Variants in TRPM3 observed in about 807,000 individuals in gnomAD.
TRPM3 encodes long transient receptor potential channel 3.
In TRPM3, 77 loss-of-function variants were observed where a neutral mutation model predicts 181.2. The observed-to-expected ratio is 0.42, with a 90% confidence interval of 0.35 to 0.51. TRPM3 has a LOEUF of 0.51. TRPM3 is among the 20% of genes least tolerant of loss of function. The pLI is 0.01. For missense variants in TRPM3, 1,759 were observed against 2,196.7 expected (o/e 0.80, Z 3.98); for synonymous variants, 745 against 796.4 (o/e 0.94, Z 1.09).
chr9:70,804,709 C>T (rs563602863), intron 6 of TRPM3, among the ~76,000 whole-genome samples: 24 of 145,020 alleles, frequency 1.7e-4, no homozygotes, highest in Non-Finnish European at 3.1e-4. Context: ...CCTTCCCTTC[C>T]CTTCTCTTCT....
Position 71,189,670 on chromosome 9 carries a change from C to T in TRPM3, c.183+256983G>A, listed in dbSNP as rs559135560. 2.0e-4 allele frequency among the ~76,000 whole-genome samples: 31 copies of T among 151,866 alleles called. No homozygotes were observed. In the South Asian group the frequency reaches 6.4e-3, roughly 31 times the overall value. ...TGCATCCTCCCCACACAACCACTCA[C>T]TTATCAAATACCTTTTCATCCCTCA... On this transcript the variant is annotated intron_variant, in intron 1 of 24. Coordinates refer to the TRPM3 transcript ENST00000357533.
intron 19 of TRPM3, among the ~76,000 whole-genome samples, chr9:70,604,725 T>C (rs1373767542): frequency 2.7e-5 from 4 of 150,462 alleles, no homozygotes; most frequent in Non-Finnish European, 5.9e-5. Flanking sequence ...CGGCTCATTG[T>C]AGCATTGACT....
intron 1 of TRPM3, among the ~76,000 whole-genome samples, chr9:71,166,364 T>C (rs1271581022): frequency 2.0e-5 from 3 of 152,140 alleles, no homozygotes; most frequent in Non-Finnish European, 4.4e-5. Context: ...CAGGCTCTTC[T>C]TCCACGACTT....
rs144690710 is a variant in TRPM3, at chr9:70,679,965, T to C, written c.1345+1541A>G. 3.3e-4 allele frequency among the ~76,000 whole-genome samples: 51 copies of C among 152,308 alleles called. 1 individual carries two copies. The highest frequency in any genetic ancestry group is 1.1e-3 in the African/African-American group (46 of 41,566). On this transcript the variant is annotated intron_variant, in intron 9 of 25. Coordinates refer to ENST00000677713, the MANE Select transcript of TRPM3 (RefSeq NM_001366145.2). Reference sequence around the variant, plus strand: ...GTCCCGTGATTCTTCTGCAAAGCCTTTGTATTTCTTAGTTCATTGGGATAA... The same window carrying C: ...GTCCCGTGATTCTTCTGCAAAGCCTCTGTATTTCTTAGTTCATTGGGATAA...
chr9:71,045,034 GAA>G (rs2059275111), intron 1 of TRPM3, among the ~76,000 whole-genome samples: 1 of 151,888 alleles, frequency 6.6e-6, no homozygotes, highest in Non-Finnish European at 1.5e-5. Flanking sequence ...ACACTCCATC[GAA>G]GAGTCTCTAG....
intron 1 of TRPM3, among the ~76,000 whole-genome samples, chr9:71,234,235 G>A (rs531399332): frequency 2.0e-4 from 31 of 152,284 alleles, no homozygotes; most frequent in African/African-American, 7.0e-4. Flanking sequence ...TTTCTCCAGA[G>A]CAAGTGATCC....
At chr9:70,668,810 C>A (rs2062353288) in intron 9 of TRPM3, among the ~76,000 whole-genome samples, 1 of 150,668 alleles carries the variant, frequency 6.6e-6, no homozygotes, top group Non-Finnish European at 1.5e-5. Flanking sequence ...ATGTAAGCTA[C>A]TTATTTCAGA....
At chr9:70,604,991 C>G (rs1208180352) in intron 19 of TRPM3, among the ~76,000 whole-genome samples, 2 of 95,188 alleles carry the variant, frequency 2.1e-5, no homozygotes, top group Non-Finnish European at 4.0e-5. Context: ...GAGTCTCACT[C>G]TATTGCCCAG....
At chr9:71,219,824 G>T (rs1322712402) in intron 1 of TRPM3, among the ~76,000 whole-genome samples, 2 of 152,152 alleles carry the variant, frequency 1.3e-5, no homozygotes, top group African/African-American at 4.8e-5. Context: ...CAAGTCAGGG[G>T]GTCATAGAAT....
chr9:71,063,000 A>G (rs1381529069), intron 1 of TRPM3, among the ~76,000 whole-genome samples: 1 of 152,176 alleles, frequency 6.6e-6, no homozygotes, highest in Non-Finnish European at 1.5e-5. Flanking sequence ...ACACTCTTGC[A>G]TTCTCAGGAG....
chr9:70,544,491 C>T (rs2044336880), intron 25 of TRPM3, among the ~76,000 whole-genome samples: 1 of 152,058 alleles, frequency 6.6e-6, no homozygotes, highest in African/African-American at 2.4e-5. Context: ...GAATACTTAG[C>T]TGGCTAATTA....
intron 1 of TRPM3, among the ~76,000 whole-genome samples, chr9:70,986,794 A>G (rs2097426425): frequency 6.6e-6 from 1 of 152,166 alleles, no homozygotes. Flanking sequence ...TGGTATCAGA[A>G]AGGATTAACA....
intron 1 of TRPM3, among the ~76,000 whole-genome samples, chr9:71,310,618 G>A (rs951398790): frequency 1.3e-5 from 2 of 151,966 alleles, no homozygotes; most frequent in Non-Finnish European, 2.9e-5. Context: ...ACCCAAGGGG[G>A]GTGTCTTGTA....
chr9:70,851,774 C>T (rs902068721), intron 3 of TRPM3, among the ~76,000 whole-genome samples: 3 of 152,002 alleles, frequency 2.0e-5, no homozygotes, highest in African/African-American at 2.4e-5. Flanking sequence ...TCACACTACT[C>T]GTGGGATCTC....
chr9:70,787,183 T>C (rs1213259870), intron 6 of TRPM3, among the ~76,000 whole-genome samples: 2 of 152,202 alleles, frequency 1.3e-5, no homozygotes, highest in Middle Eastern at 3.2e-3. Flanking sequence ...TTCAGGATAA[T>C]GATTTCCTAT....
At chr9:71,076,306 G>C (rs2063454362) in intron 1 of TRPM3, among the ~76,000 whole-genome samples, 1 of 152,206 alleles carries the variant, frequency 6.6e-6, no homozygotes, top group Non-Finnish European at 1.5e-5. Context: ...AGAGCTGGCT[G>C]TCAAACATTT....
rs2042056063 is a variant in TRPM3, at chr9:70,537,385, C to A, written c.3728G>T (p.Arg1243Leu). The A allele has an allele frequency of 6.7e-7, 1 of 1,484,848 alleles. No homozygotes were observed. Among genetic ancestry groups the A allele is most frequent in the Non-Finnish European group, 8.9e-7 (1 of 1,117,384 alleles). The allele number at this position is 1,484,848 out of a possible 1,614,324, so 92.0% of individuals were successfully genotyped here. A position where few individuals can be genotyped will look rare whatever the true frequency, so the allele number is the denominator to read the frequency against. Residue 1243 changes from arginine to leucine, a missense_variant, in exon 26 of 26, where the codon CGG becomes CTG. This residue lies in a region of TRPM3 where 96 missense variants were observed against 129.6 expected (regional missense o/e 0.74). Coordinates refer to ENST00000677713, the MANE Select transcript of TRPM3 (RefSeq NM_001366145.2). ...TSERVENMSM[R>L]LEEVNEREHS... ...CTCTCTCTCGTTGACTTCCTCCAGC[C>A]GCATAGACATGTTCTCCACCCTGCG...
chr9:70,913,327 C>T (rs1050448820), intron 1 of TRPM3, among the ~76,000 whole-genome samples: 5 of 152,102 alleles, frequency 3.3e-5, no homozygotes, highest in Admixed American at 1.3e-4. Flanking sequence ...TTTTCATAGT[C>T]CCTGGGGGTC....
At chr9:71,262,586 A>G (rs11142761) in intron 1 of TRPM3, among the ~76,000 whole-genome samples, 30,081 of 152,026 alleles carry the variant, frequency 0.2, 3,220 homozygotes, top group African/African-American at 0.22. Context: ...AAACAAAACA[A>G]AACTCCTGCA....
Sources: allele counts gnomAD v4.1 joint callset (sites outside exome capture counted in the v4.1 genomes callset), GRCh38; gene constraint gnomAD v4.1.1; regional missense constraint gnomAD v4.1.1; transcripts MANE v1.5; gene names NCBI Gene and HGNC (gene_info 2026-07-23, HGNC 2026-07-21).